Variants in MIA2 observed in about 807,000 individuals in gnomAD.
MIA2 encodes the protein melanoma inhibitory activity protein 2.
MIA2 carries 127 observed loss-of-function variants against 167.8 expected under a neutral mutation model. The observed-to-expected ratio is 0.76, with a 90% CI of 0.66 to 0.88. The LOEUF (loss-of-function observed/expected upper bound fraction) is 0.88. Among genes scored for constraint, MIA2 ranks in the 40% least tolerant of loss-of-function variants. MIA2 has a pLI of 0.00. For synonymous variants in MIA2, 552 were observed against 541.9 expected, an observed-to-expected ratio of 1.02 and a Z score of -0.26; for missense variants, 1,690 against 1,624.7, an observed-to-expected ratio of 1.04 and a Z score of -0.69.
At chr14:39,368,869 ATGT>A (rs1191903672) in intron 23 of MIA2, among the ~76,000 whole-genome samples, 1 of 151,734 alleles carries the variant, frequency 6.6e-6, no homozygotes. Flanking sequence ...TGTTTCACAG[ATGT>A]TGTCCTTTTT....
chr14:39,357,737 G>A (rs2074567082), intron 23 of MIA2, among the ~76,000 whole-genome samples: 1 of 152,152 alleles, frequency 6.6e-6, no homozygotes, highest in African/African-American at 2.4e-5. Context: ...AGCTCCCGTA[G>A]GGCAGGCCTG....
At chr14:39,241,757 C>G (rs568413736) in intron 3 of MIA2, among the ~76,000 whole-genome samples, 3 of 152,302 alleles carry the variant, frequency 2.0e-5, no homozygotes, top group Non-Finnish European at 4.4e-5. Context: ...TTGGTTAAAG[C>G]CCTTTAGTGG....
At chr14:39,257,949 A>T (rs1020138954) in intron 6 of MIA2, among the ~76,000 whole-genome samples, 1 of 152,148 alleles carries the variant, frequency 6.6e-6, no homozygotes, top group Non-Finnish European at 1.5e-5. Flanking sequence ...CTGCAGAGAG[A>T]TCTGCTGTTA....
chr14:39,316,620 A>G (rs967134774), intron 21 of MIA2, among the ~76,000 whole-genome samples: 2 of 152,196 alleles, frequency 1.3e-5, no homozygotes, highest in Non-Finnish European at 2.9e-5. Flanking sequence ...ATTCCAGCCT[A>G]GGGTGAGAGA....
In MIA2 at chr14:39,332,887, C is replaced by T. The variant is rs573083763; in HGVS notation, c.3655+5865C>T. 3.9e-5 allele frequency among the ~76,000 whole-genome samples: 6 copies of T among 152,202 alleles called. No homozygotes were observed. In the East Asian group the frequency reaches 9.7e-4, roughly 25 times the overall value. On this transcript the variant is annotated intron_variant, in intron 25 of 28. Coordinates refer to ENST00000640607, the MANE Select transcript of MIA2 (RefSeq NM_001329214.4). ...TTTCGACGTCTTGCCTGGGAATCAA[C>T]AATTTCTTGTGATCTATCTTCAGGT... is the stretch of plus-strand genomic sequence containing the variant.
intron 24 of MIA2, among the ~76,000 whole-genome samples, chr14:39,325,211 G>T (rs376590136): frequency 6.6e-6 from 1 of 151,772 alleles, no homozygotes. Flanking sequence ...GTAACAGAGT[G>T]AGTGAGACCT....
At chr14:39,386,753 C>T in intron 23 of MIA2, 3 of 1,339,200 alleles carry the variant, frequency 2.2e-6, no homozygotes, top group Non-Finnish European at 3.2e-6. Context: ...CTTCATCCTC[C>T]TCTAACTGAA....
intron 2 of MIA2, among the ~76,000 whole-genome samples, chr14:39,238,811 A>AAAAC: frequency 1.9e-5 from 2 of 103,608 alleles, no homozygotes; most frequent in African/African-American, 7.8e-5. Flanking sequence ...AAAAAAAAAA[A>AAAAC]CCCAAAAAAC....
rs2053777956 is a variant in MIA2, at chr14:39,237,061, T to G, written c.249+6T>G. 6.2e-7 allele frequency: 1 copy of G among 1,609,290 alleles called. No homozygotes were observed. Among genetic ancestry groups the G allele is most frequent in the Non-Finnish European group, 8.5e-7 (1 of 1,178,822 alleles). On this transcript the variant is annotated splice_donor_region_variant and intron_variant, in intron 2 of 28. Transcript: ENST00000640607. ...AAGATTTGTGGGCAGGAAGTGTAAG[T>G]AACTACTTTTAAAAATTGAATGCAG...
At chr14:39,345,797 T>G in intron 25 of MIA2, 107 bp from the exon 26 acceptor site, 1 of 858,114 alleles carries the variant, frequency 1.2e-6, no homozygotes, top group Non-Finnish European at 1.8e-6. Context: ...AGATGATGAG[T>G]TTAAGTGTTA....
chr14:39,298,276 A>T (rs1231773201), intron 13 of MIA2, among the ~76,000 whole-genome samples: 1 of 151,206 alleles, frequency 6.6e-6, no homozygotes, highest in African/African-American at 2.4e-5. Context: ...GTTCTAATGC[A>T]CTCCTTCTCT....
chr14:39,277,191 G>A, intron 7 of MIA2, 126 bp downstream of exon 7: 1 of 1,184,740 alleles, frequency 8.4e-7, no homozygotes, highest in Non-Finnish European at 1.1e-6. Flanking sequence ...AGAGGTTTTT[G>A]TTTTTTGTTT....
intron 25 of MIA2, among the ~76,000 whole-genome samples, chr14:39,345,659 A>G (rs1432359792): frequency 2.0e-5 from 3 of 152,204 alleles, no homozygotes; most frequent in East Asian, 1.9e-4. Flanking sequence ...CACATATTCT[A>G]ATTTACACAT....
chr14:39,334,544 G>A (rs182825433), intron 25 of MIA2, among the ~76,000 whole-genome samples: 3 of 147,152 alleles, frequency 2.0e-5, no homozygotes, highest in Admixed American at 1.4e-4. Context: ...TTCAGTTAAC[G>A]AAATGATAAT....
intron 13 of MIA2, among the ~76,000 whole-genome samples, chr14:39,298,376 TTC>T (rs1188986136): frequency 2.1e-5 from 3 of 144,338 alleles, no homozygotes; most frequent in Non-Finnish European, 4.6e-5. Flanking sequence ...TTTTCTTGGA[TTC>T]TCATTTGTTT....
At chr14:39,258,560 ACCCACCTT>A (rs1381790346) in intron 6 of MIA2, among the ~76,000 whole-genome samples, 1 of 152,096 alleles carries the variant, frequency 6.6e-6, no homozygotes, top group Non-Finnish European at 1.5e-5. Context: ...GTTTGTTATT[ACCCACCTT>A]CTGAAGCCTA....
At chr14:39,286,433 T>G (rs1318909458) in intron 9 of MIA2, among the ~76,000 whole-genome samples, 1 of 152,052 alleles carries the variant, frequency 6.6e-6, no homozygotes, top group East Asian at 1.9e-4. Flanking sequence ...AGGGAGACTG[T>G]GGAGAGGGGA....
At chr14:39,322,827 T>TA (rs972649934) in intron 24 of MIA2, among the ~76,000 whole-genome samples, 2 of 152,204 alleles carry the variant, frequency 1.3e-5, no homozygotes, top group African/African-American at 4.8e-5. Context: ...TCAAAAGTCT[T>TA]ACATTTTCAG....
In MIA2 at chr14:39,252,898, C is replaced by T; in HGVS notation, c.1718C>T (p.Thr573Ile). 2.5e-6 allele frequency: 4 copies of T among 1,613,896 alleles called. No homozygotes were observed. Among genetic ancestry groups the T allele is most frequent in the East Asian group, 2.2e-5 (1 of 44,864 alleles). ...LVEIDRSVENTLLNSQMVSTD... is the reference protein window; with the variant it reads ...LVEIDRSVENILLNSQMVSTD... Reference sequence around the variant, plus strand: ...GAGATAGACAGATCTGTGGAAAATACCCTGCTAAATAGTCAGATGGTTTCA... The same window carrying T: ...GAGATAGACAGATCTGTGGAAAATATCCTGCTAAATAGTCAGATGGTTTCA... Residue 573 changes from threonine (T) to isoleucine (I), a missense_variant, in exon 5 of 29, where the codon ACC (threonine) becomes ATC (isoleucine). Transcript: ENST00000640607.
Sources: gnomAD v4.1 joint callset for allele counts (sites outside exome capture counted in the v4.1 genomes callset) on GRCh38, gnomAD v4.1.1 for gene constraint, MANE v1.5 for transcripts, NCBI Gene and HGNC (gene_info 2026-07-23, HGNC 2026-07-21) for gene names.